The following MAPKAP1 variants were observed in gnomAD, a reference collection of about 807,000 sequenced individuals.
MAPKAP1 encodes the protein target of rapamycin complex 2 subunit MAPKAP1.
A neutral mutation model predicts 65.7 loss-of-function variants in MAPKAP1; 20 were observed. That is an observed-to-expected ratio of 0.30 (90% CI 0.21 to 0.44). The LOEUF (loss-of-function observed/expected upper bound fraction) is 0.44, where lower values mean the gene tolerates loss of function less well. MAPKAP1 is among the 20% of genes least tolerant of loss of function. The pLI is 1.00. For synonymous variants in MAPKAP1, 222 were observed against 244.3 expected, an observed-to-expected ratio of 0.91 and a Z score of 0.85; for missense variants, 423 against 648.0, an observed-to-expected ratio of 0.65 and a Z score of 3.77.
rs1256995299 is a variant in MAPKAP1 at position 125,669,597 on chromosome 9, T to C, written c.349+221A>G. ...TTGTAAAAAATGTCCCCTGCACACA[T>C]CAATCCCTGTGACCCAGAGTGAAGG... On this transcript the variant is annotated intron_variant, in intron 3 of 11. Coordinates refer to ENST00000265960, the MANE Select transcript of MAPKAP1 (RefSeq NM_001006617.3). Among the ~76,000 whole-genome samples the C allele has an allele frequency of 6.6e-6, 1 of 152,018 alleles. No homozygotes were observed. Among genetic ancestry groups the C allele is most frequent in the East Asian group, 1.9e-4 (1 of 5,196 alleles).
At chr9:125,665,703 A>C (rs986771443) in intron 3 of MAPKAP1, among the ~76,000 whole-genome samples, 2 of 152,166 alleles carry the variant, frequency 1.3e-5, no homozygotes, top group Admixed American at 6.5e-5. Flanking sequence ...CAAGAATTCC[A>C]CAGGTGAGGC....
intron 4 of MAPKAP1, among the ~76,000 whole-genome samples, chr9:125,618,615 A>G (rs935761501): frequency 6.6e-6 from 1 of 152,196 alleles, no homozygotes; most frequent in Admixed American, 6.5e-5. Context: ...AAGAAAAAAG[A>G]ATACCAAGTG....
At chr9:125,633,682 T>C (rs748214905) in intron 4 of MAPKAP1, among the ~76,000 whole-genome samples, 3 of 152,156 alleles carry the variant, frequency 2.0e-5, no homozygotes, top group Non-Finnish European at 4.4e-5. Flanking sequence ...TAAACCTGTA[T>C]TTCATCTAAT....
At chr9:125,623,597 C>T (rs1589354419) in intron 4 of MAPKAP1, among the ~76,000 whole-genome samples, 3 of 12,778 alleles carry the variant, frequency 2.3e-4, no homozygotes, top group African/African-American at 2.6e-4. Flanking sequence ...CCCCTCCGCC[C>T]GGCAGCTGCC....
chr9:125,592,252 T>TA (rs1831987596), intron 4 of MAPKAP1, among the ~76,000 whole-genome samples: 1 of 152,178 alleles, frequency 6.6e-6, no homozygotes, highest in Non-Finnish European at 1.5e-5. Context: ...TAAAGGGGGC[T>TA]AGTGAAGGCC....
intron 10 of MAPKAP1, among the ~76,000 whole-genome samples, chr9:125,459,267 A>C (rs1418293831): frequency 6.9e-6 from 1 of 144,782 alleles, no homozygotes; most frequent in African/African-American, 2.6e-5. Context: ...GGCGGCCGGG[A>C]AGAGGCGCTC....
At chr9:125,473,261 C>A (rs146384543) in intron 9 of MAPKAP1, among the ~76,000 whole-genome samples, 4 of 152,072 alleles carry the variant, frequency 2.6e-5, no homozygotes, top group Admixed American at 6.5e-5. Context: ...GAAAAGAGCA[C>A]GGGGGCTGGC....
intron 7 of MAPKAP1, among the ~76,000 whole-genome samples, chr9:125,527,169 G>A (rs994799904): frequency 6.8e-6 from 1 of 146,776 alleles, no homozygotes; most frequent in Non-Finnish European, 1.5e-5. Context: ...CCAGGTTTAA[G>A]CAATTCTCTG....
chr9:125,526,767 G>GT (rs746075845), intron 7 of MAPKAP1, among the ~76,000 whole-genome samples: 162 of 145,622 alleles, frequency 1.1e-3, no homozygotes, highest in South Asian at 3.1e-3. Flanking sequence ...CATATATATA[G>GT]TTTTCTTTTT....
intron 4 of MAPKAP1, among the ~76,000 whole-genome samples, chr9:125,636,116 G>C (rs1833417032): frequency 6.6e-6 from 1 of 152,160 alleles, no homozygotes; most frequent in South Asian, 2.1e-4. Flanking sequence ...CTATTCCCAA[G>C]TCTTCCTCCA....
At chr9:125,541,913 C>T (rs962623186) in intron 7 of MAPKAP1, among the ~76,000 whole-genome samples, 2 of 152,204 alleles carry the variant, frequency 1.3e-5, no homozygotes, top group East Asian at 3.8e-4. Context: ...TCAAACGGCG[C>T]AGTCAGCTGG....
intron 4 of MAPKAP1, among the ~76,000 whole-genome samples, chr9:125,604,557 C>T (rs2131617275): frequency 6.6e-6 from 1 of 152,338 alleles, no homozygotes; most frequent in East Asian, 1.9e-4. Flanking sequence ...TTCACCTGAG[C>T]AACACATTTT....
intron 1 of MAPKAP1, among the ~76,000 whole-genome samples, chr9:125,678,566 G>T (rs893894081): frequency 8.6e-5 from 13 of 151,994 alleles, no homozygotes; most frequent in African/African-American, 3.1e-4. Context: ...ATACTAGGTG[G>T]GTCTCCTTTT....
In MAPKAP1 at chr9:125,482,599, T is replaced by C. The variant is rs192321621; in HGVS notation, c.1207+1844A>G. On this transcript the variant is annotated intron_variant, in intron 9 of 11. Coordinates refer to ENST00000265960, the MANE Select transcript of MAPKAP1 (RefSeq NM_001006617.3). ...AGAGCTACAGTTAAGTCCTCACTTATTGTCATTCATAGGTTCTTGGAAACT... is the reference window on the plus strand; with the variant it reads ...AGAGCTACAGTTAAGTCCTCACTTACTGTCATTCATAGGTTCTTGGAAACT... Among the ~76,000 whole-genome samples, 689 of 152,346 alleles carry C rather than the reference T, an allele frequency of 4.5e-3. 4 individuals are homozygous for C. The highest frequency in any genetic ancestry group is 0.016 in the African/African-American group (645 of 41,580).
At chr9:125,602,630 C>T (rs1832331825) in intron 4 of MAPKAP1, among the ~76,000 whole-genome samples, 1 of 152,198 alleles carries the variant, frequency 6.6e-6, no homozygotes, top group Admixed American at 6.5e-5. Flanking sequence ...TTCGTCTGTA[C>T]ACAGCCCTTG....
chr9:125,645,400 GA>G (rs933803578), intron 4 of MAPKAP1, among the ~76,000 whole-genome samples: 42 of 152,272 alleles, frequency 2.8e-4, no homozygotes, highest in African/African-American at 9.4e-4. Flanking sequence ...CAGGTTCAAT[GA>G]CAAACATAGA....
intron 6 of MAPKAP1, among the ~76,000 whole-genome samples, chr9:125,551,558 T>C (rs1022585570): frequency 6.6e-6 from 1 of 152,130 alleles, no homozygotes; most frequent in African/African-American, 2.4e-5. Context: ...ATATATCAAA[T>C]ATTTAAAGGA....
chr9:125,489,418 G>A (rs936675674), intron 8 of MAPKAP1, among the ~76,000 whole-genome samples: 2 of 152,080 alleles, frequency 1.3e-5, no homozygotes, highest in African/African-American at 2.4e-5. Context: ...TATAAGCCAC[G>A]GATTACCATA....
chr9:125,702,896 C>T (rs968576529), intron 1 of MAPKAP1, among the ~76,000 whole-genome samples: 29 of 150,530 alleles, frequency 1.9e-4, no homozygotes, highest in Middle Eastern at 3.5e-3. Context: ...TAGTGGCATG[C>T]GCCTGTAGTC....
Sources: gnomAD v4.1 joint callset for allele counts (sites outside exome capture counted in the v4.1 genomes callset) on GRCh38, gnomAD v4.1.1 for gene constraint, MANE v1.5 for transcripts, NCBI Gene and HGNC (gene_info 2026-07-23, HGNC 2026-07-21) for gene names.